NYAP2: variants seen among roughly 807,000 people sequenced by gnomAD.
NYAP2 encodes neuronal tyrosine-phosphorylated phosphoinositide-3-kinase adaptor 2.
Under a neutral mutation model 50.4 loss-of-function variants are expected in NYAP2, and 23 were observed. The observed-to-expected ratio is 0.46, with a 90% CI of 0.33 to 0.65. The LOEUF is 0.65. Among genes scored for constraint, NYAP2 ranks in the 30% least tolerant of loss-of-function variants. The pLI is 0.02. For synonymous variants in NYAP2, 394 were observed against 365.2 expected (o/e 1.08, Z -0.90); for missense variants, 885 against 861.0 (o/e 1.03, Z -0.35).
At chr2:225,568,495 G>A (rs1227729259) in intron 4 of NYAP2, among the ~76,000 whole-genome samples, 1 of 152,072 alleles carries the variant, frequency 6.6e-6, no homozygotes, top group Non-Finnish European at 1.5e-5. Context: ...TGACTCTTTA[G>A]TGTTATTACA....
At chr2:225,406,914 G>A (rs1694951448) in intron 2 of NYAP2, among the ~76,000 whole-genome samples, 1 of 151,960 alleles carries the variant, frequency 6.6e-6, no homozygotes, top group Admixed American at 6.6e-5. Context: ...ATTTTGGTTG[G>A]AGGAAAACTT....
chr2:225,500,744 A>G (rs987498614), intron 3 of NYAP2, among the ~76,000 whole-genome samples: 5 of 152,170 alleles, frequency 3.3e-5, no homozygotes, highest in African/African-American at 1.2e-4. Flanking sequence ...ATTTTGTTTG[A>G]CAAATCACAC....
At chr2:225,426,319 A>G (rs1261652014) in intron 3 of NYAP2, among the ~76,000 whole-genome samples, 1 of 152,180 alleles carries the variant, frequency 6.6e-6, no homozygotes, top group Non-Finnish European at 1.5e-5. Context: ...ATGTAATATC[A>G]GTACCTACAG....
At chr2:225,602,748 G>T (rs1373147348) in intron 5 of NYAP2, among the ~76,000 whole-genome samples, 1 of 152,074 alleles carries the variant, frequency 6.6e-6, no homozygotes, top group African/African-American at 2.4e-5. Flanking sequence ...TTGGCAGTTG[G>T]TGAGAATCAT....
At chr2:225,586,889 A>G (rs954033269) in intron 5 of NYAP2, among the ~76,000 whole-genome samples, 1 of 152,206 alleles carries the variant, frequency 6.6e-6, no homozygotes, top group Non-Finnish European at 1.5e-5. Context: ...ACTACTCGAG[A>G]TTGGATGATT....
intron 3 of NYAP2, among the ~76,000 whole-genome samples, chr2:225,451,738 G>T (rs1689656665): frequency 6.6e-6 from 1 of 152,114 alleles, no homozygotes; most frequent in African/African-American, 2.4e-5. Flanking sequence ...GAGTGAAATA[G>T]TTTTTCTTAG....
Position 225,425,085 on chromosome 2 carries a change from C to T in NYAP2, c.221+15984C>T, listed in dbSNP as rs1695267657. On this transcript the variant is annotated intron_variant, in intron 3 of 6. Transcript: ENST00000636099. ...ATTTTTTTTAAAAAAAGAAATAGAG[C>T]TTTCAGAAAAAGGAGACAGAAACAT... 3.3e-5 allele frequency among the ~76,000 whole-genome samples: 5 copies of T among 152,032 alleles called. No individual in the cohort carries two copies. The South Asian group carries it at 1.0e-3, about 32-fold the overall frequency.
chr2:225,674,516 T>C, the NYAP2 span, among the ~76,000 whole-genome samples: 1 of 152,084 alleles, frequency 6.6e-6, no homozygotes, highest in Admixed American at 6.6e-5. Context: ...GGCAGAAGTG[T>C]GTTAAGGTGC....
At chr2:225,531,771 T>C (rs955111023) in intron 4 of NYAP2, among the ~76,000 whole-genome samples, 1 of 152,218 alleles carries the variant, frequency 6.6e-6, no homozygotes, top group African/African-American at 2.4e-5. Context: ...CAGGCCCTGC[T>C]TTGTTTATAA....
chr2:225,697,823 T>A, the NYAP2 span, among the ~76,000 whole-genome samples: 1 of 151,964 alleles, frequency 6.6e-6, no homozygotes, highest in Non-Finnish European at 1.5e-5. Context: ...ACAAAATTTG[T>A]TTATAGTTTC....
intron 6 of NYAP2, 152 bp downstream of exon 6, chr2:225,627,278 G>A (rs1169951309): frequency 1.4e-5 from 9 of 652,808 alleles, no homozygotes; most frequent in Non-Finnish European, 2.5e-5. Flanking sequence ...TACATAAAGG[G>A]ATATAACAAT....
At chr2:225,418,488 G>A (rs980537512) in intron 3 of NYAP2, among the ~76,000 whole-genome samples, 1 of 152,180 alleles carries the variant, frequency 6.6e-6, no homozygotes, top group African/African-American at 2.4e-5. Flanking sequence ...GAGGAGGTGA[G>A]ATGTGCTGGA....
the NYAP2 span, among the ~76,000 whole-genome samples, chr2:225,684,936 C>G: frequency 1.3e-5 from 2 of 152,012 alleles, no homozygotes; most frequent in Non-Finnish European, 2.9e-5. Context: ...AACCTGAGGC[C>G]AAGATAAGTG....
intron 4 of NYAP2, among the ~76,000 whole-genome samples, chr2:225,543,767 A>G (rs539286082): frequency 6.6e-6 from 1 of 152,194 alleles, no homozygotes; most frequent in South Asian, 2.1e-4. Context: ...ATAAATATCT[A>G]TGAGGTCTAT....
intron 3 of NYAP2, among the ~76,000 whole-genome samples, chr2:225,433,464 C>T (rs1689305407): frequency 6.6e-6 from 1 of 151,380 alleles, no homozygotes; most frequent in Non-Finnish European, 1.5e-5. Context: ...TTATAGGTAA[C>T]CATAAATTAA....
chr2:225,487,364 C>CT lies in NYAP2; in HGVS notation c.222-25996dup, dbSNP rs373428676. 1.4e-3 allele frequency among the ~76,000 whole-genome samples: 209 copies of CT among 147,952 alleles called. 1 individual carries two copies. Among genetic ancestry groups the CT allele is most frequent in the African/African-American group, 4.0e-3 (163 of 40,680 alleles). On this transcript the variant is annotated intron_variant, in intron 3 of 6. Coordinates refer to ENST00000636099, the Ensembl canonical transcript of NYAP2. ...TTCTAATTGGTAACTTTCTTCTTTT[C>CT]TTTTTTTTTTTCCATGTCAGAGTCT... is the stretch of plus-strand genomic sequence containing the variant.
At chr2:225,574,374 C>G (rs1692131378) in intron 4 of NYAP2, among the ~76,000 whole-genome samples, 1 of 152,134 alleles carries the variant, frequency 6.6e-6, no homozygotes, top group Non-Finnish European at 1.5e-5. Context: ...GTCCAGTTCT[C>G]CCTACTCTGA....
At chr2:225,419,551 C>A (rs1165668364) in intron 3 of NYAP2, among the ~76,000 whole-genome samples, 1 of 152,130 alleles carries the variant, frequency 6.6e-6, no homozygotes, top group African/African-American at 2.4e-5. Flanking sequence ...CATAATGAGT[C>A]CCTTATCTTA....
intron 5 of NYAP2, among the ~76,000 whole-genome samples, chr2:225,609,996 C>T (rs937035433): frequency 1.3e-5 from 2 of 152,036 alleles, no homozygotes; most frequent in African/African-American, 4.8e-5. Flanking sequence ...CCTCATTGTG[C>T]GTTGGTTTCT....
Sources: allele counts gnomAD v4.1 joint callset (sites outside exome capture counted in the v4.1 genomes callset), GRCh38; gene constraint gnomAD v4.1.1; transcripts MANE v1.5; gene names NCBI Gene and HGNC (gene_info 2026-07-23, HGNC 2026-07-21).